The following ANAPC5 variants were observed in gnomAD, a reference collection of about 807,000 sequenced individuals.
The protein encoded by ANAPC5 is anaphase promoting complex subunit 5, also known as anaphase-promoting complex subunit 5.
Under a neutral mutation model 91.3 loss-of-function variants are expected in ANAPC5, and 60 were observed. The ratio of observed to expected loss-of-function variants is 0.66; its 90% CI spans 0.53 to 0.81. The LOEUF (loss-of-function observed/expected upper bound fraction) is 0.81, where lower values mean the gene tolerates loss of function less well. ANAPC5 is among the 40% of genes least tolerant of loss of function. ANAPC5 has a pLI of 0.00. For missense variants in ANAPC5, 690 were observed against 931.5 expected (o/e 0.74, Z 3.37); for synonymous variants, 340 against 364.1 (o/e 0.93, Z 0.75).
chr12:121,320,300 G>T, intron 12 of ANAPC5, 85 bp downstream of exon 12: 1 of 1,285,836 alleles, frequency 7.8e-7, no homozygotes. Flanking sequence ...TTATTTTTCT[G>T]AGGGGAGATT....
At chr12:121,340,723 T>G (rs760464502) in intron 5 of ANAPC5, among the ~76,000 whole-genome samples, 1 of 82,608 alleles carries the variant, frequency 1.2e-5, no homozygotes, top group Non-Finnish European at 3.7e-5. Context: ...CGGCTAATTT[T>G]TGTGTGTGTG....
In ANAPC5 at chr12:121,312,255, G is replaced by A. The variant is rs139346128; in HGVS notation, c.1894-2392C>T. 5.3e-5 allele frequency among the ~76,000 whole-genome samples: 8 copies of A among 152,240 alleles called. No homozygotes were observed. In the East Asian group the frequency reaches 1.5e-3, roughly 29 times the overall value. On this transcript the variant is annotated intron_variant, in intron 15 of 16. Transcript: ENST00000261819. ...CACAAGGGAAATTAGAAAATGCAAT[G>A]AGGTGTATAAAAATACCACAGACTC...
intron 3 of ANAPC5, 194 bp from the exon 4 acceptor site, chr12:121,346,225 C>T: frequency 1.9e-6 from 1 of 519,128 alleles, no homozygotes; most frequent in South Asian, 3.1e-5. Flanking sequence ...TCTTCTTATA[C>T]AGGGCACAAT....
At chr12:121,350,542 G>T (rs980530124) in intron 1 of ANAPC5, among the ~76,000 whole-genome samples, 24 of 152,186 alleles carry the variant, frequency 1.6e-4, no homozygotes, top group Non-Finnish European at 3.4e-4. Flanking sequence ...TTAGCCGGGC[G>T]TGGTGGCGGG....
chr12:121,310,180 C>A, intron 15 of ANAPC5: 1 of 181,174 alleles, frequency 5.5e-6, no homozygotes, highest in East Asian at 1.4e-4. Flanking sequence ...GGTAACAATC[C>A]AGAAAATAAC....
chr12:121,319,871 A>G (rs924948275), intron 12 of ANAPC5, 53 bp from the exon 13 acceptor site: 9 of 1,529,628 alleles, frequency 5.9e-6, no homozygotes, highest in Non-Finnish European at 8.0e-6. Flanking sequence ...GTTCATCTTA[A>G]TGAGTATATG....
intron 11 of ANAPC5, among the ~76,000 whole-genome samples, chr12:121,325,762 G>A (rs1240513293): frequency 1.3e-5 from 2 of 152,076 alleles, no homozygotes; most frequent in Non-Finnish European, 2.9e-5. Context: ...AGCTATTCGG[G>A]AGGCTGAGAA....
chr12:121,316,444 G>T (rs1017179109), intron 15 of ANAPC5, among the ~76,000 whole-genome samples: 1 of 152,054 alleles, frequency 6.6e-6, no homozygotes, highest in African/African-American at 2.4e-5. Flanking sequence ...ATGAAAACAG[G>T]TATTCAACCC....
intron 11 of ANAPC5, among the ~76,000 whole-genome samples, chr12:121,322,986 C>T (rs1439154172): frequency 6.6e-6 from 1 of 152,164 alleles, no homozygotes; most frequent in African/African-American, 2.4e-5. Context: ...GATCACACCA[C>T]TGCACTCCAG....
chr12:121,316,645 A>C (rs976057003), intron 15 of ANAPC5, among the ~76,000 whole-genome samples: 8 of 146,226 alleles, frequency 5.5e-5, no homozygotes, highest in African/African-American at 2.0e-4. Context: ...AGGCAGGAGA[A>C]TGGCATGAAC....
chr12:121,313,131 G>C (rs1033723538), intron 15 of ANAPC5, among the ~76,000 whole-genome samples: 3 of 152,122 alleles, frequency 2.0e-5, no homozygotes, highest in Non-Finnish European at 2.9e-5. Flanking sequence ...TTCGAGGCCA[G>C]CCTGGCCAAC....
chr12:121,309,595 G>T (rs1902074984), intron 16 of ANAPC5, 106 bp downstream of exon 16: 12 of 1,334,074 alleles, frequency 9.0e-6, no homozygotes, highest in Non-Finnish European at 1.2e-5. Flanking sequence ...TGAACACTCA[G>T]AACTTAAATG....
intron 5 of ANAPC5, 51 bp from the exon 6 acceptor site, chr12:121,337,443 T>C (rs782585262): frequency 6.8e-6 from 9 of 1,325,388 alleles, no homozygotes; most frequent in Non-Finnish European, 9.7e-6. Flanking sequence ...AATAAACATA[T>C]GAAAAGATAT....
At chr12:121,346,210 T>C (rs1593606292) in intron 3 of ANAPC5, 179 bp from the exon 4 acceptor site, 2 of 555,030 alleles carry the variant, frequency 3.6e-6, no homozygotes, top group East Asian at 3.1e-5. Flanking sequence ...TTTACAAAGC[T>C]GGTTTCTTCT....
At chr12:121,337,247 G>C in intron 6 of ANAPC5, 44 bp downstream of exon 6, 2 of 1,523,258 alleles carry the variant, frequency 1.3e-6, no homozygotes, top group Non-Finnish European at 1.8e-6. Context: ...AAGTTGCCTT[G>C]TCATTCCTTT....
At chr12:121,314,273 C>T (rs545577397) in intron 15 of ANAPC5, among the ~76,000 whole-genome samples, 1 of 152,208 alleles carries the variant, frequency 6.6e-6, no homozygotes, top group South Asian at 2.1e-4. Context: ...GTGGTGCACA[C>T]CTGTGATCCC....
chr12:121,318,093 C>CA, intron 15 of ANAPC5, 184 bp downstream of exon 15: 1 of 569,606 alleles, frequency 1.8e-6, no homozygotes, highest in Non-Finnish European at 2.7e-6. Flanking sequence ...TGGAAAGTGT[C>CA]AGTTTGTCAC....
chr12:121,350,680 C>CAAA lies in ANAPC5; in HGVS notation c.207+1451_207+1453dup, dbSNP rs11457183. Reference sequence around the variant, plus strand: ...TGAGCGACGGAGCGAGACTCCGTCTCAAAAAAAAAAAAAAAATCCTCTCCA... The same window carrying CAAA: ...TGAGCGACGGAGCGAGACTCCGTCTCAAAAAAAAAAAAAAAAAAATCCTCTCCA... On this transcript the variant is annotated intron_variant, in intron 1 of 16. Transcript: ENST00000261819. Among the ~76,000 whole-genome samples the CAAA allele has an allele frequency of 3.9e-3, 522 of 133,338 alleles. 5 individuals are homozygous for CAAA. Among genetic ancestry groups the CAAA allele is most frequent in the African/African-American group, 0.015 (492 of 32,502 alleles). 87.5% of individuals were successfully genotyped at this position (133,338 alleles called of 152,430 possible).
chr12:121,352,719 TG>T (rs1903959398), upstream of ANAPC5, among the ~76,000 whole-genome samples: 1 of 86,752 alleles, frequency 1.2e-5, no homozygotes, highest in Non-Finnish European at 2.7e-5. Flanking sequence ...TTGTTGTTGT[TG>T]GTGGTGGTGG....
Sources: gnomAD v4.1 joint callset for allele counts (sites outside exome capture counted in the v4.1 genomes callset) on GRCh38, gnomAD v4.1.1 for gene constraint, MANE v1.5 for transcripts, NCBI Gene and HGNC (gene_info 2026-07-23, HGNC 2026-07-21) for gene names.